ADCY8: variants seen among roughly 807,000 people sequenced by gnomAD.
ADCY8 encodes adenylate cyclase 8.
ADCY8 carries 51 observed loss-of-function variants against 119.7 expected under a neutral mutation model. The observed-to-expected ratio is 0.43, with a 90% confidence interval of 0.34 to 0.54. The LOEUF is 0.54. Among genes scored for constraint, ADCY8 ranks in the 20% least tolerant of loss-of-function variants. The pLI is 0.03. For missense variants in ADCY8, 1,383 were observed against 1,598.8 expected (o/e 0.87, Z 2.30); for synonymous variants, 665 against 651.0 (o/e 1.02, Z -0.33).
chr8:130,785,163 A>G (rs1200580749), intron 16 of ADCY8, among the ~76,000 whole-genome samples: 2 of 152,274 alleles, frequency 1.3e-5, no homozygotes, highest in African/African-American at 4.8e-5. Flanking sequence ...GGTTCAGAAC[A>G]AAGCCTAGAA....
intron 3 of ADCY8, among the ~76,000 whole-genome samples, chr8:130,948,996 G>A (rs1821193379): frequency 6.6e-6 from 1 of 152,168 alleles, no homozygotes; most frequent in African/African-American, 2.4e-5. Context: ...AACAGGGCCG[G>A]CGGCTGGTTT....
intron 5 of ADCY8, among the ~76,000 whole-genome samples, chr8:130,916,626 C>T (rs1422291789): frequency 2.0e-5 from 3 of 152,180 alleles, no homozygotes; most frequent in Non-Finnish European, 2.9e-5. Flanking sequence ...TGTGGGTTTA[C>T]GGGAATGAGG....
At chr8:131,038,747 T>G (rs1253646578) in intron 1 of ADCY8, among the ~76,000 whole-genome samples, 1 of 152,186 alleles carries the variant, frequency 6.6e-6, no homozygotes, top group African/African-American at 2.4e-5. Flanking sequence ...TGGGGTCGCA[T>G]CGTGTCATGA....
At chr8:130,963,594 G>T (rs1409760503) in intron 2 of ADCY8, among the ~76,000 whole-genome samples, 3 of 152,150 alleles carry the variant, frequency 2.0e-5, no homozygotes, top group Non-Finnish European at 4.4e-5. Flanking sequence ...CTTCATGGGG[G>T]GTTTAGTCCC....
intron 9 of ADCY8, among the ~76,000 whole-genome samples, chr8:130,859,243 C>T (rs1203796039): frequency 6.6e-6 from 1 of 152,166 alleles, no homozygotes; most frequent in Non-Finnish European, 1.5e-5. Flanking sequence ...CTATATTAAG[C>T]TATACATGAG....
chr8:130,883,274 G>A (rs1453992170), intron 8 of ADCY8, among the ~76,000 whole-genome samples: 2 of 152,146 alleles, frequency 1.3e-5, no homozygotes, highest in Non-Finnish European at 2.9e-5. Flanking sequence ...CTTCATCCTA[G>A]CTTCTTCAAT....
chr8:131,030,179 G>A (rs775833002), intron 1 of ADCY8, among the ~76,000 whole-genome samples: 1 of 151,956 alleles, frequency 6.6e-6, no homozygotes, highest in Non-Finnish European at 1.5e-5. Context: ...AGAGTCTCAG[G>A]GCAGCTCTTC....
intron 2 of ADCY8, among the ~76,000 whole-genome samples, chr8:130,962,475 A>G (rs906411301): frequency 3.1e-4 from 47 of 152,152 alleles, no homozygotes; most frequent in African/African-American, 1.1e-3. Flanking sequence ...TTTGCATGAA[A>G]AGAGACCCTG....
rs113784696 is a variant in ADCY8 at position 130,860,159 on chromosome 8, A to T, written c.2210+7687T>A. Among the ~76,000 whole-genome samples the T allele has an allele frequency of 3.1e-3, 471 of 152,262 alleles. 1 individual carries two copies. The highest frequency in any genetic ancestry group is 9.3e-3 in the African/African-American group (388 of 41,546). On this transcript the variant is annotated intron_variant, in intron 9 of 17. Transcript: ENST00000286355. Reference sequence around the variant, plus strand: ...ATTTAAATTTCCCTTATGGCCAATGATGTTGAGCATTTTTCACATGCCTAT... The same window carrying T: ...ATTTAAATTTCCCTTATGGCCAATGTTGTTGAGCATTTTTCACATGCCTAT...
intron 5 of ADCY8, among the ~76,000 whole-genome samples, chr8:130,919,167 GT>G (rs1001556867): frequency 5.9e-5 from 9 of 152,318 alleles, no homozygotes; most frequent in African/African-American, 2.2e-4. Flanking sequence ...AACTGGGAGA[GT>G]CATTTAACCC....
chr8:130,986,549 C>T (rs960914239), intron 2 of ADCY8, among the ~76,000 whole-genome samples: 4 of 152,062 alleles, frequency 2.6e-5, no homozygotes, highest in Non-Finnish European at 4.4e-5. Flanking sequence ...TGACATGCAG[C>T]GAGTACAAGA....
chr8:130,783,937 G>T, intron 16 of ADCY8, 132 bp from the exon 17 acceptor site: 1 of 641,404 alleles, frequency 1.6e-6, no homozygotes, highest in Non-Finnish European at 2.7e-6. Flanking sequence ...TCATGTGGGT[G>T]AGCCCCTCTA....
At chr8:130,973,702 A>G (rs974740253) in intron 2 of ADCY8, among the ~76,000 whole-genome samples, 8 of 152,194 alleles carry the variant, frequency 5.3e-5, no homozygotes, top group African/African-American at 1.9e-4. Flanking sequence ...GAAAGACAGG[A>G]TGGTTGATTA....
chr8:130,836,897 C>T (rs527612377), intron 11 of ADCY8, among the ~76,000 whole-genome samples: 1 of 152,136 alleles, frequency 6.6e-6, no homozygotes, highest in African/African-American at 2.4e-5. Flanking sequence ...CCACACCTGG[C>T]TAACTTTTCT....
intron 5 of ADCY8, among the ~76,000 whole-genome samples, chr8:130,927,227 C>T (rs1229987723): frequency 1.3e-5 from 2 of 152,114 alleles, no homozygotes; most frequent in Non-Finnish European, 2.9e-5. Flanking sequence ...TTCAAAGTTT[C>T]CTTTCCACCA....
At position 131,039,794 on chromosome 8, in the gene ADCY8, T is replaced by G. The variant is rs761852255; in HGVS notation, c.540A>C (p.Lys180Asn). 2.5e-6 allele frequency: 4 copies of G among 1,614,146 alleles called. No homozygotes were observed. Among genetic ancestry groups the G allele is most frequent in the Non-Finnish European group, 2.5e-6 (3 of 1,180,026 alleles). Residue 180 changes from lysine to asparagine, a missense_variant, in exon 1 of 18, where the codon AAA (lysine) becomes AAC (asparagine). Physicochemically the swap from Lys to Asn is moderately conservative, Grantham distance 94 (BLOSUM62 0). Around this residue, in one of 2 missense-constraint regions of ADCY8, gnomAD observed 455 missense variants for 435.3 expected, o/e 1.05. Transcript: ENST00000286355. The part of the protein sequence containing the change: ...YQRYFLGQRR[K>N]SEVVMNVLDV... ...CCAGCACGTTCATCACCACTTCCGA[T>G]TTGCGCCTTTGGCCCAAGAAATAGC... is the stretch of plus-strand genomic sequence containing the variant.
At chr8:131,001,176 G>A (rs1350847188) in intron 1 of ADCY8, among the ~76,000 whole-genome samples, 1 of 152,110 alleles carries the variant, frequency 6.6e-6, no homozygotes, top group Non-Finnish European at 1.5e-5. Context: ...TTCTGGAGCG[G>A]TGATTACCAC....
chr8:130,966,774 G>A (rs1276810818), intron 2 of ADCY8, among the ~76,000 whole-genome samples: 1 of 152,196 alleles, frequency 6.6e-6, no homozygotes, highest in East Asian at 1.9e-4. Flanking sequence ...GTGAATTGCA[G>A]ATGATAATAA....
intron 1 of ADCY8, among the ~76,000 whole-genome samples, chr8:131,003,090 A>C (rs1038525748): frequency 2.6e-5 from 4 of 152,036 alleles, no homozygotes; most frequent in Non-Finnish European, 5.9e-5. Context: ...AATCCCAGCT[A>C]CTTGGGAGGT....
Sources: gnomAD v4.1 joint callset for allele counts (sites outside exome capture counted in the v4.1 genomes callset) on GRCh38, gnomAD v4.1.1 for gene constraint, gnomAD v4.1.1 regional missense constraint, MANE v1.5 for transcripts, NCBI Gene and HGNC (gene_info 2026-07-23, HGNC 2026-07-21) for gene names.